Variants in C21orf91 observed in about 807,000 individuals in gnomAD.
The protein encoded by C21orf91 is protein EURL homolog.
C21orf91 carries 26 observed loss-of-function variants against 32.9 expected under a neutral mutation model. The ratio of observed to expected loss-of-function variants is 0.79; its 90% CI spans 0.58 to 1.10. The LOEUF (loss-of-function observed/expected upper bound fraction) is 1.10. Ranked by LOEUF, C21orf91 falls within the 50% of genes least tolerant of loss-of-function variation. The probability of loss-of-function intolerance (pLI) is 0.00; values close to 1 mark genes in which losing one functional copy is unlikely to be tolerated. For synonymous variants in C21orf91, 126 were observed against 120.4 expected, an observed-to-expected ratio of 1.05 and a Z score of -0.31; for missense variants, 310 against 341.3, an observed-to-expected ratio of 0.91 and a Z score of 0.72.
chr21:17,801,333 C>T (rs978750172), intron 2 of C21orf91, among the ~76,000 whole-genome samples: 8 of 150,760 alleles, frequency 5.3e-5, no homozygotes, highest in Non-Finnish European at 1.2e-4. Context: ...TGCAGTGGTG[C>T]GATCTCGGCT....
At chr21:17,812,631 A>G (rs967451653) in intron 2 of C21orf91, among the ~76,000 whole-genome samples, 6 of 152,132 alleles carry the variant, frequency 3.9e-5, no homozygotes, top group Non-Finnish European at 8.8e-5. Context: ...AACACGGTGA[A>G]ACCCCGTCTC....
At chr21:17,803,475 C>CA (rs1181124964) in intron 2 of C21orf91, among the ~76,000 whole-genome samples, 1 of 152,110 alleles carries the variant, frequency 6.6e-6, no homozygotes, top group Non-Finnish European at 1.5e-5. Context: ...TGCGCCTCTA[C>CA]ACTCTATCTA....
intron 2 of C21orf91, among the ~76,000 whole-genome samples, chr21:17,800,826 T>C (rs969262279): frequency 7.2e-5 from 11 of 152,216 alleles, no homozygotes; most frequent in Admixed American, 5.9e-4. Context: ...CATAAAGTCA[T>C]TATTAGAGAA....
At chr21:17,816,639 T>C (rs1039287787) in intron 2 of C21orf91, among the ~76,000 whole-genome samples, 1 of 152,236 alleles carries the variant, frequency 6.6e-6, no homozygotes. Flanking sequence ...AAGGTTCAGT[T>C]CTATCACATT....
chr21:17,797,722 T>G (rs2062530375), intron 2 of C21orf91, among the ~76,000 whole-genome samples: 1 of 151,986 alleles, frequency 6.6e-6, no homozygotes. Context: ...CTTATCAAGA[T>G]AATTTTATTT....
At chr21:17,796,041 A>G (rs2062515289) in intron 3 of C21orf91, among the ~76,000 whole-genome samples, 1 of 152,252 alleles carries the variant, frequency 6.6e-6, no homozygotes, top group Non-Finnish European at 1.5e-5. Flanking sequence ...AAGATAGCAG[A>G]GGTCCCTTCT....
At chr21:17,816,078 A>T (rs977108585) in intron 2 of C21orf91, among the ~76,000 whole-genome samples, 1 of 152,252 alleles carries the variant, frequency 6.6e-6, no homozygotes, top group Non-Finnish European at 1.5e-5. Context: ...ATTTGACTCT[A>T]ATTTTTCTTA....
chr21:17,804,435 T>C (rs1377388723), intron 2 of C21orf91, among the ~76,000 whole-genome samples: 1 of 152,220 alleles, frequency 6.6e-6, no homozygotes, highest in Non-Finnish European at 1.5e-5. Context: ...CTCATGCCTT[T>C]AGCTAAATCA....
chr21:17,796,566 T>A lies in C21orf91; in HGVS notation c.664+16A>T, dbSNP rs2062519424. Reference sequence around the variant, plus strand: ...CCAAACCACCCAACTTTTACTTTTCTCCCCATTTTACTTACATTCCTCTCT... The same window carrying A: ...CCAAACCACCCAACTTTTACTTTTCACCCCATTTTACTTACATTCCTCTCT... On this transcript the variant is annotated intron_variant, in intron 3 of 4. Transcript: ENST00000284881. 1 of 1,585,670 alleles carries A rather than the reference T, an allele frequency of 6.3e-7. No individual in the cohort carries two copies. The highest frequency in any genetic ancestry group is 8.6e-7 in the Non-Finnish European group (1 of 1,163,948).
chr21:17,797,353 T>G (rs564697150), intron 2 of C21orf91, among the ~76,000 whole-genome samples: 1 of 152,214 alleles, frequency 6.6e-6, no homozygotes, highest in East Asian at 1.9e-4. Flanking sequence ...ATTATTCAAT[T>G]TTAATCCTAG....
intron 2 of C21orf91, among the ~76,000 whole-genome samples, chr21:17,805,141 T>C (rs928957240): frequency 1.3e-5 from 2 of 152,248 alleles, no homozygotes; most frequent in African/African-American, 4.8e-5. Context: ...GCATCTGAAA[T>C]GTAGCTAGTC....
intron 2 of C21orf91, among the ~76,000 whole-genome samples, chr21:17,815,902 C>T (rs530528637): frequency 4.6e-5 from 7 of 152,294 alleles, no homozygotes; most frequent in African/African-American, 7.2e-5. Flanking sequence ...TCAGGTGATC[C>T]GCCTGCCTTG....
At chr21:17,800,159 T>C (rs2062549177) in intron 2 of C21orf91, among the ~76,000 whole-genome samples, 1 of 152,222 alleles carries the variant, frequency 6.6e-6, no homozygotes, top group African/African-American at 2.4e-5. Flanking sequence ...TACAAGAAGA[T>C]GGTTTTATGT....
rs938940819 is a variant in C21orf91, at chr21:17,790,823, T to C, written c.*2592A>G. On this transcript the variant is annotated 3_prime_UTR_variant, in exon 5 of 5. Coordinates refer to ENST00000284881, the MANE Select transcript of C21orf91 (RefSeq NM_001100420.2). ...ACAACCTGTGTGGTCAAAAACACTT[T>C]TCTAATTTTTAAAACTCAATTTAAC... The C allele has an allele frequency of 6.6e-6, 1 of 152,146 alleles. No homozygotes were observed. 9.4% of individuals were successfully genotyped at this position (152,146 alleles called of 1,614,324 possible).
At chr21:17,818,379 G>A in intron 1 of C21orf91, 54 bp from the exon 2 acceptor site, 1 of 1,480,346 alleles carries the variant, frequency 6.8e-7, no homozygotes, top group East Asian at 2.3e-5. Flanking sequence ...TGCCTTTGGG[G>A]TAGTTCCCTT....
At position 17,796,982 on chromosome 21, in the gene C21orf91, G is replaced by T. The variant is rs746069099; in HGVS notation, c.264C>A (p.Thr88=). Residue 88 remains threonine (T), a synonymous_variant, in exon 3 of 5, where the codon ACC becomes ACA. Transcript: ENST00000284881. ...TCCAGTTTATCTTCTTACTCAAAAT[G>T]GTTTTAACTTCTTCATAAGTACTTT... is the stretch of plus-strand genomic sequence containing the variant. The part of the protein sequence containing the change: ...LSKSTYEEVK[T]ILSKKINWIV... The T allele has an allele frequency of 6.2e-7, 1 of 1,613,512 alleles. No homozygotes were observed. The highest frequency in any genetic ancestry group is 8.5e-7 in the Non-Finnish European group (1 of 1,179,626).
intron 1 of C21orf91, 112 bp from the exon 2 acceptor site, chr21:17,818,437 C>T (rs1472837996): frequency 1.7e-5 from 14 of 807,748 alleles, no homozygotes; most frequent in Non-Finnish European, 2.0e-6. Flanking sequence ...TCATTTAAAG[C>T]AAAAGCTCCA....
chr21:17,804,471 C>G (rs537822094), intron 2 of C21orf91, among the ~76,000 whole-genome samples: 1 of 152,354 alleles, frequency 6.6e-6, no homozygotes, highest in South Asian at 2.1e-4. Flanking sequence ...ACTAAATAGT[C>G]TGCCATATTC....
intron 2 of C21orf91, among the ~76,000 whole-genome samples, chr21:17,798,481 A>T (rs934808071): frequency 6.6e-6 from 1 of 152,212 alleles, no homozygotes; most frequent in African/African-American, 2.4e-5. Context: ...AAGCACATGT[A>T]AACAACTGCT....
Sources: allele counts gnomAD v4.1 joint callset (sites outside exome capture counted in the v4.1 genomes callset), GRCh38; gene constraint gnomAD v4.1.1; transcripts MANE v1.5; gene names NCBI Gene and HGNC (gene_info 2026-07-23, HGNC 2026-07-21).